The following AKAP6 variants were observed in gnomAD, a reference collection of about 807,000 sequenced individuals.
AKAP6 encodes A-kinase anchoring protein 6, also known as A-kinase anchor protein 6.
In AKAP6, 58 loss-of-function variants were observed where a neutral mutation model predicts 188.5. The observed-to-expected ratio is 0.31, with a 90% confidence interval of 0.25 to 0.38. The LOEUF is 0.38. Ranked by LOEUF, AKAP6 falls within the 10% of genes least tolerant of loss-of-function variation. The pLI is 1.00. For missense variants in AKAP6, 2,710 were observed against 2,740.0 expected, an observed-to-expected ratio of 0.99 and a Z score of 0.24; for synonymous variants, 989 against 998.6, an observed-to-expected ratio of 0.99 and a Z score of 0.18.
At chr14:32,709,116 C>T (rs1197120939) in intron 9 of AKAP6, among the ~76,000 whole-genome samples, 2 of 152,092 alleles carry the variant, frequency 1.3e-5, no homozygotes, top group East Asian at 3.9e-4. Flanking sequence ...TCACTAGGCT[C>T]CATCCGTCCA....
chr14:32,606,259 A>AT (rs1886122621), intron 7 of AKAP6, among the ~76,000 whole-genome samples: 1 of 152,126 alleles, frequency 6.6e-6, no homozygotes, highest in South Asian at 2.1e-4. Context: ...AGTATGTTCA[A>AT]TTTTTTAATG....
At chr14:32,371,523 C>T (rs1485110221) in intron 1 of AKAP6, among the ~76,000 whole-genome samples, 1 of 152,174 alleles carries the variant, frequency 6.6e-6, no homozygotes, top group African/African-American at 2.4e-5. Flanking sequence ...TGGGGGATTG[C>T]TTGAGCCCAG....
At chr14:32,497,208 A>C (rs1366467991) in intron 2 of AKAP6, among the ~76,000 whole-genome samples, 1 of 152,070 alleles carries the variant, frequency 6.6e-6, no homozygotes, top group Non-Finnish European at 1.5e-5. Context: ...CCTTTTCTAG[A>C]GTGAAATCTG....
chr14:32,732,275 GTA>G (rs1417244821), intron 9 of AKAP6, among the ~76,000 whole-genome samples, 177 bp from the exon 10 acceptor site: 6 of 149,272 alleles, frequency 4.0e-5, no homozygotes, highest in African/African-American at 1.5e-4. Context: ...GTGTGTGTGT[GTA>G]TATAATATAT....
chr14:32,575,601 T>C (rs1407777317), intron 4 of AKAP6, among the ~76,000 whole-genome samples: 9 of 152,178 alleles, frequency 5.9e-5, no homozygotes, highest in African/African-American at 2.2e-4. Context: ...TTCTCATTAG[T>C]TTTATCAAAT....
intron 2 of AKAP6, among the ~76,000 whole-genome samples, chr14:32,520,748 C>T (rs1881785409): frequency 1.3e-5 from 2 of 152,242 alleles, no homozygotes; most frequent in African/African-American, 2.4e-5. Flanking sequence ...CGTTCATAGC[C>T]GAATTCTACC....
chr14:32,585,500 G>T (rs1262461871), intron 5 of AKAP6, among the ~76,000 whole-genome samples: 3 of 152,054 alleles, frequency 2.0e-5, no homozygotes, highest in Admixed American at 2.0e-4. Context: ...ATATGTGTGT[G>T]TGTGTGTGTG....
intron 1 of AKAP6, among the ~76,000 whole-genome samples, chr14:32,387,296 C>G (rs908235889): frequency 3.9e-5 from 6 of 151,920 alleles, no homozygotes; most frequent in Non-Finnish European, 7.4e-5. Context: ...TTTCTTTTGT[C>G]TGATTGCTCT....
chr14:32,780,380 G>T (rs2140016394), intron 12 of AKAP6, among the ~76,000 whole-genome samples: 1 of 152,070 alleles, frequency 6.6e-6, no homozygotes, highest in South Asian at 2.1e-4. Context: ...AAGGGAAATG[G>T]AAAGATGTAG....
At chr14:32,716,886 G>A (rs1291464483) in intron 9 of AKAP6, among the ~76,000 whole-genome samples, 3 of 152,042 alleles carry the variant, frequency 2.0e-5, no homozygotes, top group Non-Finnish European at 2.9e-5. Flanking sequence ...AAACTCATCT[G>A]TGTTAAAATC....
intron 4 of AKAP6, among the ~76,000 whole-genome samples, chr14:32,558,777 A>G (rs1883801672): frequency 6.6e-6 from 1 of 152,150 alleles, no homozygotes; most frequent in South Asian, 2.1e-4. Context: ...GCTCACCACC[A>G]ATACCATGTC....
In AKAP6 at chr14:32,832,821, A is replaced by G. The variant is rs975497115; in HGVS notation, c.*3016A>G. 7 of 152,632 alleles carry G rather than the reference A, an allele frequency of 4.6e-5. No homozygotes were observed. The highest frequency in any genetic ancestry group is 1.7e-4 in the African/African-American group (7 of 41,454). The allele number at this position is 152,632 out of a possible 1,614,324, so 9.5% of individuals were successfully genotyped here. A position where few individuals can be genotyped will look rare whatever the true frequency, so the allele number is the denominator to read the frequency against. ...GGCAACCCTGAAGATAATCAAGGCC[A>G]GTTACTCATCATCTCCCAACCACTG... On this transcript the variant is annotated 3_prime_UTR_variant, in exon 14 of 14. Coordinates refer to ENST00000280979, the MANE Select transcript of AKAP6 (RefSeq NM_004274.5).
intron 12 of AKAP6, among the ~76,000 whole-genome samples, chr14:32,809,916 T>C (rs1372886080): frequency 1.3e-5 from 2 of 152,120 alleles, no homozygotes; most frequent in Admixed American, 1.3e-4. Context: ...CCTGGTATTT[T>C]ATTTCCCTGA....
At chr14:32,603,956 G>C (rs1277966657) in intron 7 of AKAP6, among the ~76,000 whole-genome samples, 1 of 152,004 alleles carries the variant, frequency 6.6e-6, no homozygotes, top group African/African-American at 2.4e-5. Context: ...GAATTAAAAA[G>C]TGATAAGAGG....
intron 9 of AKAP6, among the ~76,000 whole-genome samples, chr14:32,725,001 A>AAC (rs1249041117): frequency 3.4e-5 from 5 of 148,620 alleles, no homozygotes; most frequent in African/African-American, 9.8e-5. Flanking sequence ...AAAAAAAAAA[A>AAC]AAAAAAAAAA....
intron 2 of AKAP6, among the ~76,000 whole-genome samples, chr14:32,454,675 C>T (rs1451909170): frequency 5.2e-4 from 24 of 45,996 alleles, no homozygotes; most frequent in Non-Finnish European, 7.4e-4. Context: ...CTCCTTCCCT[C>T]CTTCCCTCCT....
intron 4 of AKAP6, among the ~76,000 whole-genome samples, chr14:32,553,137 T>C (rs1031812827): frequency 6.6e-6 from 1 of 151,842 alleles, no homozygotes; most frequent in Non-Finnish European, 1.5e-5. Flanking sequence ...CAAAAGATTC[T>C]TTTTTTCTTT....
In AKAP6 at chr14:32,830,197, T is replaced by A. The variant is rs1310404690; in HGVS notation, c.*392T>A. The A allele has an allele frequency of 2.1e-5, 10 of 484,084 alleles. No individual in the cohort carries two copies. The highest frequency in any genetic ancestry group is 3.2e-5 in the South Asian group (1 of 31,544). The allele number at this position is 484,084 out of a possible 1,614,324, so 30.0% of individuals were successfully genotyped here. A position where few individuals can be genotyped will look rare whatever the true frequency, so the allele number is the denominator to read the frequency against. On this transcript the variant is annotated 3_prime_UTR_variant, in exon 14 of 14. Coordinates refer to ENST00000280979, the MANE Select transcript of AKAP6 (RefSeq NM_004274.5). ...ACTGGTAGTCCATTAAATTCTCCTGTCTAGAATGACCCCCCCACCAGTACT... is the reference window on the plus strand; with the variant it reads ...ACTGGTAGTCCATTAAATTCTCCTGACTAGAATGACCCCCCCACCAGTACT...
intron 12 of AKAP6, among the ~76,000 whole-genome samples, chr14:32,800,750 C>A (rs944336420): frequency 6.6e-6 from 1 of 152,104 alleles, no homozygotes; most frequent in Non-Finnish European, 1.5e-5. Flanking sequence ...TGCTGTGGCT[C>A]ATGCCTGTAA....
Sources: allele counts gnomAD v4.1 joint callset (sites outside exome capture counted in the v4.1 genomes callset), GRCh38; gene constraint gnomAD v4.1.1; transcripts MANE v1.5; gene names NCBI Gene and HGNC (gene_info 2026-07-23, HGNC 2026-07-21).